Variants in THSD1 observed in about 807,000 individuals in gnomAD.
The protein encoded by THSD1 is thrombospondin type 1 domain containing 1.
Under a neutral mutation model 46.3 loss-of-function variants are expected in THSD1, and 34 were observed. The observed-to-expected ratio is 0.74, with a 90% CI of 0.56 to 0.98. The LOEUF is 0.98. Among genes scored for constraint, THSD1 ranks in the 50% least tolerant of loss-of-function variants. THSD1 has a pLI of 0.00. For synonymous variants in THSD1, 407 were observed against 416.5 expected (o/e 0.98, Z 0.28); for missense variants, 1,023 against 1,058.3 (o/e 0.97, Z 0.46).
Position 52,402,658 on chromosome 13 carries a change from T to C in THSD1, c.-58A>G. 6.3e-7 allele frequency: 1 copy of C among 1,599,502 alleles called. No individual in the cohort carries two copies. On this transcript the variant is annotated 5_prime_UTR_variant, in exon 2 of 5. Transcript: ENST00000258613. Reference sequence around the variant, plus strand: ...CTCATGTCCTTTCTCACGTCCAGATTGTGATTTTTTTCCCCAAAAACACCT... The same window carrying C: ...CTCATGTCCTTTCTCACGTCCAGATCGTGATTTTTTTCCCCAAAAACACCT...
intron 1 of THSD1, among the ~76,000 whole-genome samples, chr13:52,404,312 G>A (rs74774785): frequency 6.6e-6 from 1 of 152,110 alleles, no homozygotes; most frequent in Non-Finnish European, 1.5e-5. Flanking sequence ...TTTCAGATAA[G>A]AGCACAAATT....
rs1203713255 is a variant in THSD1 at position 52,406,108 on chromosome 13, G to A, written c.-159C>T. 1 of 152,236 alleles carries A rather than the reference G, an allele frequency of 6.6e-6. No individual in the cohort carries two copies. Among genetic ancestry groups the A allele is most frequent in the Non-Finnish European group, 1.5e-5 (1 of 68,082 alleles). The allele number at this position is 152,236 out of a possible 1,614,324, so 9.4% of individuals were successfully genotyped here. On this transcript the variant is annotated 5_prime_UTR_variant, in exon 1 of 5. Transcript: ENST00000258613. The stretch of plus-strand genomic sequence containing the variant: ...GGACGGGAAGGCTCAGGGGCGGCGA[G>A]GTAGAGCGCCAAGCATCCCGCGTCC...
At position 52,389,971 on chromosome 13, in the gene THSD1, C is replaced by T. The variant is rs55645852; in HGVS notation, c.1022-3785G>A. ...CCTGGGCAACATAGCAAAAACCCAT[C>T]TCTACAAAAAATGCAAAAATTAGCC... On this transcript the variant is annotated intron_variant, in intron 3 of 4. Transcript: ENST00000258613. 8.9e-3 allele frequency among the ~76,000 whole-genome samples: 1,348 copies of T among 152,044 alleles called. 18 individuals carry two copies. Among genetic ancestry groups the T allele is most frequent in the African/African-American group, 0.031 (1,288 of 41,466 alleles).
chr13:52,403,966 T>TTTTG (rs1311507522), intron 1 of THSD1, among the ~76,000 whole-genome samples: 2 of 109,920 alleles, frequency 1.8e-5, no homozygotes, highest in African/African-American at 7.6e-5. Flanking sequence ...TTTTTTTTTT[T>TTTTG]AGACAGAGTC....
intron 4 of THSD1, among the ~76,000 whole-genome samples, chr13:52,382,618 C>T (rs749379940): frequency 6.6e-6 from 1 of 152,158 alleles, no homozygotes; most frequent in Non-Finnish European, 1.5e-5. Flanking sequence ...GCCATCTTCC[C>T]TGCCTTCATT....
intron 3 of THSD1, among the ~76,000 whole-genome samples, chr13:52,394,844 T>G (rs1957800330): frequency 1.3e-5 from 2 of 152,132 alleles, no homozygotes; most frequent in South Asian, 4.1e-4. Context: ...CCCCATCTGC[T>G]GTGCAGAGGG....
chr13:52,391,097 A>G (rs1957769647), intron 3 of THSD1, among the ~76,000 whole-genome samples: 1 of 152,190 alleles, frequency 6.6e-6, no homozygotes, highest in Non-Finnish European at 1.5e-5. Context: ...CTGCATTAGA[A>G]GTTTTCATCC....
intron 2 of THSD1, among the ~76,000 whole-genome samples, chr13:52,399,280 A>G (rs1462921302): frequency 2.6e-5 from 4 of 152,224 alleles, no homozygotes; most frequent in African/African-American, 9.6e-5. Context: ...CCTTGTTTCT[A>G]TTTTGAATCC....
chr13:52,385,476 T>C (rs957502711), intron 4 of THSD1, among the ~76,000 whole-genome samples: 8 of 152,174 alleles, frequency 5.3e-5, no homozygotes, highest in Non-Finnish European at 8.8e-5. Flanking sequence ...GCTTAGAAGA[T>C]ACAGGAAAGG....
At position 52,397,260 on chromosome 13, in the gene THSD1, C is replaced by G; in HGVS notation, c.993G>C (p.Glu331Asp). 2 of 1,607,558 alleles carry G rather than the reference C, an allele frequency of 1.2e-6. No homozygotes were observed. The highest frequency in any genetic ancestry group is 1.7e-6 in the Non-Finnish European group (2 of 1,176,992). ...TATTTCTCTGAATTAGCATGCACTCCTCCTTTGCAGAAAAATGGCTTCTGC... is the reference window on the plus strand; with the variant it reads ...TATTTCTCTGAATTAGCATGCACTCGTCCTTTGCAGAAAAATGGCTTCTGC... Reference protein sequence around the residue: ...ISSRSHFSAKEECMLIQRNTE... With the variant: ...ISSRSHFSAKDECMLIQRNTE... Residue 331 changes from glutamate to aspartate, a missense_variant, in exon 3 of 5, where the codon GAG becomes GAC. Around this residue, in one of 3 missense-constraint regions of THSD1, gnomAD observed 429 missense variants for 518.3 expected, o/e 0.83. Transcript: ENST00000258613.
At chr13:52,379,449 G>A (rs1481346194) in intron 4 of THSD1, among the ~76,000 whole-genome samples, 1 of 152,050 alleles carries the variant, frequency 6.6e-6, no homozygotes, top group Non-Finnish European at 1.5e-5. Context: ...CCACACAGAA[G>A]TAGCATGTAG....
intron 3 of THSD1, among the ~76,000 whole-genome samples, chr13:52,386,638 C>T (rs1957732753): frequency 6.6e-6 from 1 of 152,176 alleles, no homozygotes; most frequent in Non-Finnish European, 1.5e-5. Flanking sequence ...CACTTGCAGA[C>T]TCTTCTCCAC....
At chr13:52,384,762 A>G (rs1246395826) in intron 4 of THSD1, among the ~76,000 whole-genome samples, 1 of 152,158 alleles carries the variant, frequency 6.6e-6, no homozygotes, top group Non-Finnish European at 1.5e-5. Flanking sequence ...GGTGTATTTG[A>G]GGGAAGTTAT....
intron 2 of THSD1, among the ~76,000 whole-genome samples, chr13:52,400,974 TTTTG>T (rs1027128499): frequency 1.3e-5 from 2 of 152,166 alleles, no homozygotes; most frequent in Non-Finnish European, 2.9e-5. Flanking sequence ...GTTTTTGTTT[TTTTG>T]TTTGTTTGTT....
chr13:52,378,547 G>A lies in THSD1; in HGVS notation c.1423C>T (p.Arg475Cys). The A allele has an allele frequency of 1.9e-6, 3 of 1,614,182 alleles. No homozygotes were observed. The highest frequency in any genetic ancestry group is 2.5e-6 in the Non-Finnish European group (3 of 1,180,034). ...EENICELSEQ[R>C]GSFSDGGDGP... ...TCTCCCCCATCCGAGAAGCTCCCGC[G>A]CTGCTCGCTCAGCTCGCAGATATTC... The change falls in exon 5 of 5, where the codon CGC becomes TGC. Residue 475 changes from arginine to cysteine, a missense_variant. Around this residue, in one of 3 missense-constraint regions of THSD1, gnomAD observed 578 missense variants for 497.4 expected, o/e 1.16. Transcript: ENST00000258613.
At chr13:52,380,313 A>G (rs910579190) in intron 4 of THSD1, among the ~76,000 whole-genome samples, 5 of 124,174 alleles carry the variant, frequency 4.0e-5, no homozygotes, top group African/African-American at 1.3e-4. Context: ...TCTGTGCTTC[A>G]TCTTCTCCAC....
intron 4 of THSD1, among the ~76,000 whole-genome samples, chr13:52,380,234 C>T (rs146432546): frequency 2.4e-3 from 363 of 152,122 alleles, no homozygotes; most frequent in African/African-American, 6.9e-3. Flanking sequence ...GCCACCTGAC[C>T]CTCCCCTCTC....
chr13:52,385,318 A>G (rs917595075), intron 4 of THSD1, among the ~76,000 whole-genome samples: 1 of 152,194 alleles, frequency 6.6e-6, no homozygotes, highest in African/African-American at 2.4e-5. Flanking sequence ...GGAAAAAGCA[A>G]GGACTATTCA....
chr13:52,403,181 C>T (rs1230305606), intron 1 of THSD1, among the ~76,000 whole-genome samples: 2 of 152,122 alleles, frequency 1.3e-5, no homozygotes, highest in African/African-American at 2.4e-5. Flanking sequence ...ACCAGGATTG[C>T]TTCATTTATC....
Sources: gnomAD v4.1 joint callset for allele counts (sites outside exome capture counted in the v4.1 genomes callset) on GRCh38, gnomAD v4.1.1 for gene constraint, gnomAD v4.1.1 regional missense constraint, MANE v1.5 for transcripts, NCBI Gene and HGNC (gene_info 2026-07-23, HGNC 2026-07-21) for gene names.